The following TRAPPC9 variants were observed in gnomAD, a reference collection of about 807,000 sequenced individuals.
TRAPPC9 encodes trafficking protein particle complex subunit 9.
TRAPPC9 carries 83 observed loss-of-function variants against 124.0 expected under a neutral mutation model. The observed-to-expected ratio is 0.67, with a 90% CI of 0.56 to 0.80. TRAPPC9 has a LOEUF of 0.80. Among genes scored for constraint, TRAPPC9 ranks in the 30% least tolerant of loss-of-function variants. TRAPPC9 has a pLI of 0.00. For missense variants in TRAPPC9, 1,302 were observed against 1,508.3 expected, an observed-to-expected ratio of 0.86 and a Z score of 2.27; for synonymous variants, 638 against 617.5, an observed-to-expected ratio of 1.03 and a Z score of -0.49.
intron 19 of TRAPPC9, among the ~76,000 whole-genome samples, chr8:139,929,791 C>T (rs1050580177): frequency 6.6e-6 from 1 of 152,222 alleles, no homozygotes; most frequent in African/African-American, 2.4e-5. Context: ...CTGGGCAGCG[C>T]TGGCCAGGTG....
At chr8:139,894,610 C>A (rs901598951) in intron 20 of TRAPPC9, among the ~76,000 whole-genome samples, 1 of 152,190 alleles carries the variant, frequency 6.6e-6, no homozygotes, top group African/African-American at 2.4e-5. Flanking sequence ...CAGAACAGAG[C>A]AACTTCCTCT....
intron 19 of TRAPPC9, among the ~76,000 whole-genome samples, chr8:139,943,449 T>A (rs1178214216): frequency 6.6e-6 from 1 of 152,198 alleles, no homozygotes; most frequent in East Asian, 1.9e-4. Flanking sequence ...TCCAAAGGAC[T>A]ATAACAAAAT....
Position 139,865,497 on chromosome 8 carries a change from T to G in TRAPPC9, c.3055+20382A>C, listed in dbSNP as rs367679982. Among the ~76,000 whole-genome samples the G allele has an allele frequency of 3.9e-4, 59 of 152,160 alleles. No homozygotes were observed. The East Asian group carries it at 9.1e-3, about 23-fold the overall frequency. On this transcript the variant is annotated intron_variant, in intron 21 of 22. Transcript: ENST00000438773. ...AAGGGGAGTGAGAAAGAGCCACCCC[T>G]GGGATGGGAGCAGAGAGAGGAGAAA...
chr8:140,151,173 G>A (rs1240443873), intron 17 of TRAPPC9, among the ~76,000 whole-genome samples: 1 of 152,178 alleles, frequency 6.6e-6, no homozygotes, highest in Non-Finnish European at 1.5e-5. Context: ...GGGGCCAGGA[G>A]CACAACTCAG....
chr8:139,958,910 A>ACTGCATTCCGAGTCACACAGGGGAGCC (rs1554680718), intron 19 of TRAPPC9, among the ~76,000 whole-genome samples: 14,630 of 70,772 alleles, frequency 0.21, 2,511 homozygotes, highest in African/African-American at 0.34. Context: ...ACAGGGGAGC[A>ACTGCATTCCGAGTCACACAGGGGAGCC]CTGCATTCCG....
chr8:140,234,743 T>C (rs2063690261), intron 16 of TRAPPC9, among the ~76,000 whole-genome samples: 1 of 152,226 alleles, frequency 6.6e-6, no homozygotes, highest in Non-Finnish European at 1.5e-5. Flanking sequence ...ATTCCTGCTC[T>C]CTATTCAACA....
chr8:140,114,435 G>T (rs1414867701), intron 17 of TRAPPC9, among the ~76,000 whole-genome samples: 1 of 151,588 alleles, frequency 6.6e-6, no homozygotes, highest in Admixed American at 6.6e-5. Flanking sequence ...GTCCAAAGTA[G>T]AAATCTGATA....
At chr8:139,878,036 G>C (rs1051629403) in intron 21 of TRAPPC9, among the ~76,000 whole-genome samples, 3 of 152,192 alleles carry the variant, frequency 2.0e-5, no homozygotes, top group Non-Finnish European at 4.4e-5. Context: ...GAGAATCCAC[G>C]CTGAGGGAAT....
chr8:139,777,517 G>T lies in TRAPPC9; in HGVS notation c.3056-45315C>A, dbSNP rs1344154991. Among the ~76,000 whole-genome samples the T allele has an allele frequency of 4.6e-5, 7 of 152,338 alleles. No individual in the cohort carries two copies. The East Asian group carries it at 9.6e-4, about 21-fold the overall frequency. Reference sequence around the variant, plus strand: ...GGCGAGGTCAACATTTCCTGAATGAGCAAATGAATGAAGGAAAGATTTCCT... The same window carrying T: ...GGCGAGGTCAACATTTCCTGAATGATCAAATGAATGAAGGAAAGATTTCCT... On this transcript the variant is annotated intron_variant, in intron 21 of 22. Coordinates refer to ENST00000438773, the MANE Select transcript of TRAPPC9 (RefSeq NM_001160372.4).
intron 22 of TRAPPC9, 68 bp downstream of exon 22, chr8:139,731,911 C>T (rs1308783456): frequency 2.1e-6 from 3 of 1,455,288 alleles, no homozygotes; most frequent in Non-Finnish European, 1.9e-6. Flanking sequence ...AAGCCCACCA[C>T]CCAGGGAAGG....
intron 17 of TRAPPC9, among the ~76,000 whole-genome samples, chr8:140,137,663 TA>T (rs1184839165): frequency 1.3e-5 from 2 of 152,376 alleles, no homozygotes; most frequent in African/African-American, 4.8e-5. Context: ...ACCAATGGTT[TA>T]CATTTTCTTT....
intron 19 of TRAPPC9, among the ~76,000 whole-genome samples, chr8:139,971,646 C>T (rs762658100): frequency 6.6e-6 from 1 of 152,040 alleles, no homozygotes; most frequent in Non-Finnish European, 1.5e-5. Context: ...CAGCACCAGG[C>T]GTGCCTGGCA....
chr8:140,033,657 G>GTTT (rs1491525674), intron 17 of TRAPPC9, among the ~76,000 whole-genome samples: 17 of 49,304 alleles, frequency 3.4e-4, no homozygotes, highest in South Asian at 1.3e-3. Flanking sequence ...TTCATAATGT[G>GTTT]GTTTTTTTTT....
intron 17 of TRAPPC9, among the ~76,000 whole-genome samples, chr8:140,137,992 A>T (rs1270390918): frequency 6.6e-6 from 1 of 152,234 alleles, no homozygotes; most frequent in Non-Finnish European, 1.5e-5. Flanking sequence ...CTGTCATCTT[A>T]TTAAAGCAAT....
Position 140,406,589 on chromosome 8 carries a change from T to C in TRAPPC9, c.887-891A>G, listed in dbSNP as rs544047998. Among the ~76,000 whole-genome samples the C allele has an allele frequency of 2.0e-5, 3 of 152,376 alleles. No individual in the cohort carries two copies. The East Asian group carries it at 5.8e-4, about 29-fold the overall frequency. On this transcript the variant is annotated intron_variant, in intron 5 of 22. Coordinates refer to ENST00000438773, the MANE Select transcript of TRAPPC9 (RefSeq NM_001160372.4). ...TGGTCCAGTTTTTTCATCTGCTTAT[T>C]GTTTGTTCTCTAATTCTGTAAGCTG... is the stretch of plus-strand genomic sequence containing the variant.
intron 17 of TRAPPC9, among the ~76,000 whole-genome samples, chr8:140,145,151 C>G (rs2130794718): frequency 6.6e-6 from 1 of 152,294 alleles, no homozygotes; most frequent in East Asian, 1.9e-4. Flanking sequence ...GCTGGGATTA[C>G]AGGCATAAGC....
intron 17 of TRAPPC9, among the ~76,000 whole-genome samples, chr8:140,070,559 C>A (rs560265046): frequency 1.3e-5 from 2 of 152,212 alleles, no homozygotes; most frequent in South Asian, 2.1e-4. Flanking sequence ...ATGAGAAAAA[C>A]CAGACTGTTC....
intron 9 of TRAPPC9, among the ~76,000 whole-genome samples, chr8:140,312,228 G>A (rs916347927): frequency 6.6e-6 from 1 of 152,228 alleles, no homozygotes; most frequent in Admixed American, 6.5e-5. Context: ...GTCCCTCCTT[G>A]CAGCATCTAG....
At chr8:140,107,797 T>C (rs1223118807) in intron 17 of TRAPPC9, among the ~76,000 whole-genome samples, 1 of 152,142 alleles carries the variant, frequency 6.6e-6, no homozygotes, top group Admixed American at 6.5e-5. Flanking sequence ...TGGGAAGGCA[T>C]GCATGGCGCA....
Sources: gnomAD v4.1 joint callset for allele counts (sites outside exome capture counted in the v4.1 genomes callset) on GRCh38, gnomAD v4.1.1 for gene constraint, MANE v1.5 for transcripts, NCBI Gene and HGNC (gene_info 2026-07-23, HGNC 2026-07-21) for gene names.